UGT1A3: variants seen among roughly 807,000 people sequenced by gnomAD.
UGT1A3 encodes UDP glucuronosyltransferase family 1 member A3.
A neutral mutation model predicts 41.0 loss-of-function variants in UGT1A3; 31 were observed. That is an observed-to-expected ratio of 0.76 (90% CI 0.57 to 1.02). UGT1A3 has a LOEUF of 1.02. Among genes scored for constraint, UGT1A3 ranks in the 50% least tolerant of loss-of-function variants. The pLI, the probability that UGT1A3 is intolerant of heterozygous loss-of-function variation, is 0.00. For synonymous variants in UGT1A3, 262 were observed against 257.6 expected (o/e 1.02, Z -0.17); for missense variants, 737 against 671.0 (o/e 1.10, Z -1.09).
chr2:233,772,113 TA>T, intron 4 of UGT1A3, 148 bp from the exon 5 acceptor site: 2 of 1,529,488 alleles, frequency 1.3e-6, no homozygotes, highest in South Asian at 2.5e-5. Flanking sequence ...ACTCTGTATC[TA>T]AAAACAACAA....
chr2:233,743,956 G>T (rs184316279), intron 1 of UGT1A3: 2 of 1,338,248 alleles, frequency 1.5e-6, no homozygotes, highest in Non-Finnish European at 9.9e-7. Flanking sequence ...CTGGCACAGC[G>T]AGCGGCAAGG....
chr2:233,751,741 C>G (rs1161851392), intron 1 of UGT1A3, among the ~76,000 whole-genome samples: 2 of 152,164 alleles, frequency 1.3e-5, no homozygotes, highest in East Asian at 1.9e-4. Context: ...CTCTGTTTCT[C>G]TCTTGCTTGC....
At position 233,763,257 on chromosome 2, in the gene UGT1A3, T is replaced by C. The variant is rs187516962; in HGVS notation, c.868-3777T>C. On this transcript the variant is annotated intron_variant, in intron 1 of 4. Transcript: ENST00000482026. ...AATTGTACCTTTTAGTAACCTGTTTTGTCTTGTTGCATGTTTTAATCTGAA... is the reference window on the plus strand; with the variant it reads ...AATTGTACCTTTTAGTAACCTGTTTCGTCTTGTTGCATGTTTTAATCTGAA... 1.1e-3 allele frequency among the ~76,000 whole-genome samples: 161 copies of C among 152,386 alleles called. 7 individuals carry two copies. The South Asian group carries it at 0.032, about 31-fold the overall frequency.
intron 1 of UGT1A3, among the ~76,000 whole-genome samples, chr2:233,748,560 A>G (rs1345265737): frequency 1.3e-5 from 2 of 151,814 alleles, no homozygotes; most frequent in Admixed American, 1.3e-4. Context: ...CACTCGCAGG[A>G]AGTAGAAGTG....
At chr2:233,741,120 A>G (rs947867994) in intron 1 of UGT1A3, among the ~76,000 whole-genome samples, 1 of 151,760 alleles carries the variant, frequency 6.6e-6, no homozygotes, top group Non-Finnish European at 1.5e-5. Flanking sequence ...TTACACTTCT[A>G]TAAAAGCAAC....
chr2:233,734,422 T>C (rs1373952853), intron 1 of UGT1A3, among the ~76,000 whole-genome samples: 3 of 152,176 alleles, frequency 2.0e-5, no homozygotes, highest in Non-Finnish European at 4.4e-5. Context: ...TCTTTTCTTC[T>C]TTATTAGTCT....
At chr2:233,734,127 G>A (rs549754021) in intron 1 of UGT1A3, among the ~76,000 whole-genome samples, 274 of 151,640 alleles carry the variant, frequency 1.8e-3, no homozygotes, top group Non-Finnish European at 3.0e-3. Context: ...ATAATAAAAA[G>A]AATTTGGCTG....
intron 1 of UGT1A3, chr2:233,761,078 A>G: frequency 3.7e-6 from 6 of 1,614,128 alleles, no homozygotes; most frequent in Non-Finnish European, 5.1e-6. Flanking sequence ...GTGAAGGATT[A>G]CCCTAGGCCC....
intron 4 of UGT1A3, chr2:233,771,316 C>G (rs936355212): frequency 6.6e-6 from 1 of 152,132 alleles, no homozygotes; most frequent in Non-Finnish European, 1.5e-5. Context: ...TTTCCCTCTC[C>G]TCTTCAATCT....
intron 1 of UGT1A3, among the ~76,000 whole-genome samples, chr2:233,759,549 T>A (rs1172160092): frequency 6.6e-6 from 1 of 152,280 alleles, no homozygotes; most frequent in South Asian, 2.1e-4. Context: ...TGCGCTCCAG[T>A]GAATTTCCCT....
chr2:233,731,811 GGCTGTGTCAAAT>G (rs1424533817), intron 1 of UGT1A3, among the ~76,000 whole-genome samples: 1 of 152,090 alleles, frequency 6.6e-6, no homozygotes, highest in Non-Finnish European at 1.5e-5. Flanking sequence ...GTAATGGTAT[GGCTGTGTCAAAT>G]GGTATTTCTA....
chr2:233,729,180 T>G lies in UGT1A3; in HGVS notation c.54T>G (p.Leu18=). ...CGTGGCTGGCCACAGGACTGCTGCT[T>G]CTCCTCAGTGTCCAGCCCTGGGCTG... ...PLPWLATGLL[L]LLSVQPWAES... is the part of the protein sequence containing the mutation. The change falls in exon 1 of 5, where the codon CTT becomes CTG. Residue 18 remains leucine (L), a synonymous_variant. Transcript: ENST00000482026. The G allele has an allele frequency of 6.2e-6, 10 of 1,613,900 alleles. No individual in the cohort carries two copies. Among genetic ancestry groups the G allele is most frequent in the Non-Finnish European group, 7.6e-6 (9 of 1,179,906 alleles).
rs749836255 is a variant in UGT1A3 at position 233,760,959 on chromosome 2, C to T, written c.868-6075C>T. 27 of 1,614,184 alleles carry T rather than the reference C, an allele frequency of 1.7e-5. No homozygotes were observed. The highest frequency in any genetic ancestry group is 1.9e-5 in the Non-Finnish European group (23 of 1,180,034). On this transcript the variant is annotated intron_variant, in intron 1 of 4. Transcript: ENST00000482026. ...CCTTTTCACAGAACTTTCTGTGCGA[C>T]GTGGTTTATTCCCCGTATGCAACCC...
At chr2:233,754,955 G>T in intron 1 of UGT1A3, 1 of 1,314,366 alleles carries the variant, frequency 7.6e-7, no homozygotes, top group Non-Finnish European at 1.0e-6. Context: ...GGTCCCGGCC[G>T]CCAAAGAACT....
At chr2:233,749,984 G>T (rs1236503942) in intron 1 of UGT1A3, among the ~76,000 whole-genome samples, 1 of 151,836 alleles carries the variant, frequency 6.6e-6, no homozygotes, top group African/African-American at 2.4e-5. Flanking sequence ...TGTGAGAATG[G>T]ACTAATATAT....
At chr2:233,747,272 T>G (rs1693606850) in intron 1 of UGT1A3, 7 of 1,598,964 alleles carry the variant, frequency 4.4e-6, no homozygotes, top group Non-Finnish European at 6.0e-6. Context: ...CTACTCCTTC[T>G]CAGTGCCCAG....
rs1185017331 is a variant in UGT1A3, at chr2:233,729,739, A to G, written c.613A>G (p.Met205Val). The change falls in exon 1 of 5, where the codon ATG becomes GTG. Residue 205 changes from methionine to valine, a missense_variant. Coordinates refer to ENST00000482026, the MANE Select transcript of UGT1A3 (RefSeq NM_019093.4). The part of the protein sequence containing the change: ...PRLLTTNSDH[M>V]TFMQRVKNML... ...ATTACTAACAACCAATTCAGACCAC[A>G]TGACATTCATGCAAAGGGTCAAGAA... 3 of 1,613,856 alleles carry G rather than the reference A, an allele frequency of 1.9e-6. No individual in the cohort carries two copies. The highest frequency in any genetic ancestry group is 4.5e-5 in the East Asian group (2 of 44,904).
intron 1 of UGT1A3, among the ~76,000 whole-genome samples, chr2:233,738,047 C>A (rs1690670574): frequency 6.6e-6 from 1 of 152,068 alleles, no homozygotes; most frequent in Admixed American, 6.6e-5. Flanking sequence ...GTGTTGAGGA[C>A]AGGACATGGT....
At position 233,767,956 on chromosome 2, in the gene UGT1A3, T is replaced by C; in HGVS notation, c.1087+20T>C. The stretch of plus-strand genomic sequence containing the variant: ...TGCTTGGTATGTTGGGCGGATTGGA[T>C]GTATAGGTCAAACCAGGGTCAAATT... On this transcript the variant is annotated intron_variant, in intron 3 of 4. Coordinates refer to ENST00000482026, the MANE Select transcript of UGT1A3 (RefSeq NM_019093.4). 1.9e-6 allele frequency: 3 copies of C among 1,614,192 alleles called. No homozygotes were observed. Among genetic ancestry groups the C allele is most frequent in the Non-Finnish European group, 2.5e-6 (3 of 1,180,026 alleles).
Sources: allele counts gnomAD v4.1 joint callset (sites outside exome capture counted in the v4.1 genomes callset), GRCh38; gene constraint gnomAD v4.1.1; transcripts MANE v1.5; gene names NCBI Gene and HGNC (gene_info 2026-07-23, HGNC 2026-07-21).